The following FTO variants were observed in gnomAD, a reference collection of about 807,000 sequenced individuals.
The protein encoded by FTO is alpha-ketoglutarate-dependent dioxygenase FTO.
In FTO, 47 loss-of-function variants were observed where a neutral mutation model predicts 63.9. That is an observed-to-expected ratio of 0.74 (90% CI 0.58 to 0.94). The LOEUF (loss-of-function observed/expected upper bound fraction) is 0.94. Ranked by LOEUF, FTO falls within the 40% of genes least tolerant of loss-of-function variation. The pLI, the probability that FTO is intolerant of heterozygous loss-of-function variation, is 0.00. For missense variants in FTO, 562 were observed against 618.1 expected (o/e 0.91, Z 0.96); for synonymous variants, 207 against 224.4 (o/e 0.92, Z 0.69).
intron 1 of FTO, among the ~76,000 whole-genome samples, chr16:53,772,772 T>C (rs1017114306): frequency 1.3e-5 from 2 of 152,094 alleles, no homozygotes; most frequent in South Asian, 2.1e-4. Flanking sequence ...GGAAAAGTAA[T>C]TTTGATTCAA....
At chr16:54,057,752 C>T (rs570666258) in intron 8 of FTO, among the ~76,000 whole-genome samples, 5 of 151,974 alleles carry the variant, frequency 3.3e-5, no homozygotes, top group African/African-American at 4.8e-5. Context: ...TATGCTCGCC[C>T]GATATATAAA....
chr16:53,792,772 G>T (rs971877181), intron 1 of FTO, among the ~76,000 whole-genome samples: 2 of 152,128 alleles, frequency 1.3e-5, no homozygotes. Flanking sequence ...AGAGAATTTG[G>T]CTTTTTCATC....
At chr16:53,746,806 C>A (rs2076661345) in intron 1 of FTO, among the ~76,000 whole-genome samples, 1 of 152,142 alleles carries the variant, frequency 6.6e-6, no homozygotes, top group South Asian at 2.1e-4. Flanking sequence ...CCCAAACTTA[C>A]TCCTCCTGTC....
chr16:53,866,756 T>C (rs1356670220), intron 4 of FTO, among the ~76,000 whole-genome samples: 1 of 152,110 alleles, frequency 6.6e-6, no homozygotes, highest in Non-Finnish European at 1.5e-5. Context: ...GTTTCTTGTC[T>C]CTTTTTTCTT....
intron 8 of FTO, among the ~76,000 whole-genome samples, chr16:53,956,458 C>T (rs986164169): frequency 2.0e-5 from 3 of 151,980 alleles, no homozygotes; most frequent in South Asian, 4.1e-4. Flanking sequence ...GATCTAGTCA[C>T]TGGAGGAGAA....
chr16:53,846,250 T>G (rs1401984941), intron 4 of FTO, among the ~76,000 whole-genome samples: 1 of 152,192 alleles, frequency 6.6e-6, no homozygotes, highest in Non-Finnish European at 1.5e-5. Context: ...CTGTCTCTCC[T>G]GCCTGATCTC....
intron 1 of FTO, among the ~76,000 whole-genome samples, chr16:53,755,283 G>A (rs1038075380): frequency 1.3e-5 from 2 of 152,130 alleles, no homozygotes; most frequent in African/African-American, 4.8e-5. Flanking sequence ...GATGGGAGGC[G>A]ATTGGGCTGC....
intron 1 of FTO, among the ~76,000 whole-genome samples, chr16:53,797,777 A>G (rs1391005453): frequency 6.6e-6 from 1 of 152,138 alleles, no homozygotes; most frequent in African/African-American, 2.4e-5. Context: ...AGAGCAGTGT[A>G]TAAGAGTTCT....
chr16:53,904,374 T>C (rs2081482640), intron 7 of FTO, among the ~76,000 whole-genome samples: 1 of 152,172 alleles, frequency 6.6e-6, no homozygotes, highest in South Asian at 2.1e-4. Context: ...ATAATAATCT[T>C]TACCCAGGCT....
intron 2 of FTO, among the ~76,000 whole-genome samples, chr16:53,822,995 CCTT>C (rs1392900000): frequency 3.9e-5 from 6 of 152,256 alleles, no homozygotes; most frequent in Admixed American, 2.0e-4. Context: ...CTTAGTCTAG[CCTT>C]CTTCTTTATC....
chr16:53,718,971 A>C (rs1415777911), intron 1 of FTO, among the ~76,000 whole-genome samples: 3 of 152,244 alleles, frequency 2.0e-5, no homozygotes, highest in Non-Finnish European at 2.9e-5. Context: ...TATAACATAC[A>C]TGTTGAACAT....
chr16:53,771,695 C>A (rs969057053), intron 1 of FTO, among the ~76,000 whole-genome samples: 9 of 151,926 alleles, frequency 5.9e-5, no homozygotes, highest in Non-Finnish European at 1.2e-4. Flanking sequence ...TTCATGATAG[C>A]CAAAAGTGGA....
intron 1 of FTO, among the ~76,000 whole-genome samples, chr16:53,798,587 T>G (rs1015767109): frequency 6.6e-6 from 1 of 152,244 alleles, no homozygotes; most frequent in South Asian, 2.1e-4. Context: ...CATATAAAAA[T>G]AATTTTTGTA....
At chr16:53,912,299 T>C (rs2081731674) in intron 7 of FTO, among the ~76,000 whole-genome samples, 1 of 152,226 alleles carries the variant, frequency 6.6e-6, no homozygotes, top group African/African-American at 2.4e-5. Context: ...GGTAACACTT[T>C]AGCCTCTGCT....
intron 8 of FTO, among the ~76,000 whole-genome samples, chr16:54,111,139 CTTAAT>C (rs2086875587): frequency 6.6e-6 from 1 of 152,164 alleles, no homozygotes; most frequent in Non-Finnish European, 1.5e-5. Context: ...TTGCTGGCCT[CTTAAT>C]TTAATTTTGT....
chr16:53,780,911 G>A (rs185926151), intron 1 of FTO, among the ~76,000 whole-genome samples: 2 of 152,192 alleles, frequency 1.3e-5, no homozygotes, highest in African/African-American at 2.4e-5. Context: ...CTGACACATT[G>A]TACATAATCA....
intron 8 of FTO, among the ~76,000 whole-genome samples, chr16:54,085,319 A>AT (rs1599341713): frequency 6.6e-6 from 1 of 151,840 alleles, no homozygotes; most frequent in Non-Finnish European, 1.5e-5. Context: ...ATAGTTATCC[A>AT]TTTTTTCCAG....
At chr16:53,900,764 C>T (rs1452116836) in intron 7 of FTO, among the ~76,000 whole-genome samples, 2 of 151,780 alleles carry the variant, frequency 1.3e-5, no homozygotes, top group Admixed American at 6.6e-5. Context: ...TTTGGGAATA[C>T]GAAGGATTTT....
At chr16:53,988,393 G>T in intron 8 of FTO, among the ~76,000 whole-genome samples, 1 of 152,110 alleles carries the variant, frequency 6.6e-6, no homozygotes. Flanking sequence ...GCCTTAAGTT[G>T]GGCTATGAAG....
Sources: gnomAD v4.1 joint callset for allele counts (sites outside exome capture counted in the v4.1 genomes callset) on GRCh38, gnomAD v4.1.1 for gene constraint, MANE v1.5 for transcripts, NCBI Gene and HGNC (gene_info 2026-07-23, HGNC 2026-07-21) for gene names.